The following FSIP2 variants were observed in gnomAD, a reference collection of about 807,000 sequenced individuals.
The protein encoded by FSIP2 is fibrous sheath-interacting protein 2.
Under a neutral mutation model 510.5 loss-of-function variants are expected in FSIP2, and 367 were observed. The observed-to-expected ratio is 0.72, with a 90% confidence interval of 0.66 to 0.78. The LOEUF (loss-of-function observed/expected upper bound fraction) is 0.78. Among genes scored for constraint, FSIP2 ranks in the 30% least tolerant of loss-of-function variants. The probability of loss-of-function intolerance (pLI) is 0.00; values close to 1 mark genes in which losing one functional copy is unlikely to be tolerated. For missense variants in FSIP2, 7,594 were observed against 7,901.7 expected (o/e 0.96, Z 1.48); for synonymous variants, 2,601 against 2,732.2 (o/e 0.95, Z 1.50).
intron 21 of FSIP2, among the ~76,000 whole-genome samples, chr2:185,830,728 T>G (rs1217723808): frequency 2.0e-5 from 3 of 151,830 alleles, no homozygotes; most frequent in African/African-American, 7.2e-5. Context: ...TCTGGTTGGT[T>G]AAACTTATGG....
At chr2:185,788,343 C>CAA in intron 15 of FSIP2, 1 of 175,086 alleles carries the variant, frequency 5.7e-6, no homozygotes, top group Non-Finnish European at 1.2e-5. Context: ...ATATTTTTAA[C>CAA]AAAAAAAAAA....
chr2:185,791,659 G>A lies in FSIP2; in HGVS notation c.4523G>A (p.Gly1508Glu). The A allele has an allele frequency of 3.3e-6, 5 of 1,534,100 alleles. No individual in the cohort carries two copies. The highest frequency in any genetic ancestry group is 4.4e-6 in the Non-Finnish European group (5 of 1,145,544). Residue 1508 changes from glycine (G) to glutamate (E), a missense_variant, in exon 16 of 23, where the codon GGA (glycine) becomes GAA (glutamate). Coordinates refer to ENST00000424728, the MANE Select transcript of FSIP2 (RefSeq NM_173651.4). ...ATGGATACCAGTTTTGCAAGTTGTG[G>A]ATTAAAAGCTATCTCAGAGTCTCTT... ...VDMDTSFASCGLKAISESLDI... is the reference protein window; with the variant it reads ...VDMDTSFASCELKAISESLDI...
rs1446678195 is a variant in FSIP2 at position 185,804,844 on chromosome 2, G to T, written c.15538G>T (p.Glu5180Ter). Residue 5180 changes from glutamate (E) to a stop codon, truncating the protein, a stop_gained, in exon 17 of 23, where the codon GAA becomes TAA. Coordinates refer to ENST00000424728, the MANE Select transcript of FSIP2 (RefSeq NM_173651.4). LOFTEE classifies it high-confidence loss of function. Reference sequence around the variant, plus strand: ...ACTTTCCATGGCAGAGGATAATGCAGAAAGTATGCAGTTAGAACCTATTGA... The same window carrying T: ...ACTTTCCATGGCAGAGGATAATGCATAAAGTATGCAGTTAGAACCTATTGA... ...IRLSMAEDNA[E>*]SMQLEPIENL... 6.5e-7 allele frequency: 1 copy of T among 1,530,784 alleles called. No homozygotes were observed. The highest frequency in any genetic ancestry group is 1.2e-5 in the South Asian group (1 of 83,378). 94.8% of individuals were successfully genotyped at this position (1,530,784 alleles called of 1,614,324 possible).
chr2:185,794,045 C>T lies in FSIP2; in HGVS notation c.6909C>T (p.Ser2303=). 1 of 1,533,498 alleles carries T rather than the reference C, an allele frequency of 6.5e-7. No homozygotes were observed. The highest frequency in any genetic ancestry group is 8.7e-7 in the Non-Finnish European group (1 of 1,145,118). The allele number at this position is 1,533,498 out of a possible 1,614,324, so 95.0% of individuals were successfully genotyped here. Residue 2303 remains serine, a synonymous_variant, in exon 16 of 23, where the codon AGC becomes AGT. Coordinates refer to ENST00000424728, the MANE Select transcript of FSIP2 (RefSeq NM_173651.4). The stretch of plus-strand genomic sequence containing the variant: ...ATGACAGCATCTTTTATGATTCAAG[C>T]CAAGTGGAATCAGATGTAAATGTCC... ...KQNDSIFYDS[S]QVESDVNVLK... is the part of the protein sequence containing the mutation.
In FSIP2 at chr2:185,801,155, A is replaced by G; in HGVS notation, c.11849A>G (p.Lys3950Arg). ...TCACCTTTTGAAAGACAGAGAACAA[A>G]GGAAATGGATAAGGTAGCCATTCAT... Reference protein sequence around the residue: ...SVSPFERQRTKEMDKVAIHNK... With the variant: ...SVSPFERQRTREMDKVAIHNK... The change falls in exon 17 of 23, where the codon AAG becomes AGG. Residue 3950 changes from lysine (K) to arginine (R), a missense_variant. Lys to Arg is a conservative substitution (Grantham distance 26, BLOSUM62 2). Transcript: ENST00000424728. 6.5e-7 allele frequency: 1 copy of G among 1,533,954 alleles called. No individual in the cohort carries two copies. Among genetic ancestry groups the G allele is most frequent in the Non-Finnish European group, 8.7e-7 (1 of 1,145,504 alleles).
intron 15 of FSIP2, among the ~76,000 whole-genome samples, chr2:185,787,697 A>G (rs748097936): frequency 6.6e-6 from 1 of 151,760 alleles, no homozygotes; most frequent in Non-Finnish European, 1.5e-5. Context: ...ATTTCTACCC[A>G]TGGTCCAGTT....
intron 13 of FSIP2, among the ~76,000 whole-genome samples, chr2:185,767,369 A>C (rs546767529): frequency 4.5e-4 from 69 of 152,270 alleles, no homozygotes; most frequent in African/African-American, 1.6e-3. Flanking sequence ...TACTCTTAGC[A>C]GTTTTTAATG....
chr2:185,794,295 A>G lies in FSIP2; in HGVS notation c.7159A>G (p.Ile2387Val), dbSNP rs748907612. 2.0e-6 allele frequency: 3 copies of G among 1,525,052 alleles called. No individual in the cohort carries two copies. The highest frequency in any genetic ancestry group is 2.6e-6 in the Non-Finnish European group (3 of 1,141,112). 94.5% of individuals were successfully genotyped at this position (1,525,052 alleles called of 1,614,324 possible). The change falls in exon 16 of 23, where the codon ATC becomes GTC. Residue 2387 changes from isoleucine to valine, a missense_variant. Transcript: ENST00000424728. ...YQNNILFQEN[I>V]IVSEIVDSML... ...AAACAATATTTTGTTCCAAGAAAAC[A>G]TCATTGTGAGTGAAATTGTTGACAG...
chr2:185,791,860 C>G lies in FSIP2; in HGVS notation c.4724C>G (p.Pro1575Arg). 6.5e-7 allele frequency: 1 copy of G among 1,533,734 alleles called. No individual in the cohort carries two copies. Among genetic ancestry groups the G allele is most frequent in the Non-Finnish European group, 8.7e-7 (1 of 1,145,424 alleles). ...SKTPSTKEMHPNKLKAVASDI... is the reference protein window; with the variant it reads ...SKTPSTKEMHRNKLKAVASDI... ...ACACCAAGCACAAAAGAAATGCATC[C>G]AAATAAACTAAAAGCTGTAGCTTCA... The change falls in exon 16 of 23, where the codon CCA (proline) becomes CGA (arginine). Residue 1575 changes from proline (P) to arginine (R), a missense_variant. Pro to Arg is a moderately radical substitution (Grantham distance 103, BLOSUM62 -2). Transcript: ENST00000424728.
In FSIP2 at chr2:185,793,607, T is replaced by C; in HGVS notation, c.6471T>C (p.Asn2157=). Reference sequence around the variant, plus strand: ...AATCAGATGTCATTTTGATATCCAATGATATAGTGAATATTGTTCTTCATA... The same window carrying C: ...AATCAGATGTCATTTTGATATCCAACGATATAGTGAATATTGTTCTTCATA... The part of the protein sequence containing the change: ...VPKSDVILIS[N]DIVNIVLHNL... Residue 2157 remains asparagine (N), a synonymous_variant, in exon 16 of 23, where the codon AAT becomes AAC. Coordinates refer to ENST00000424728, the MANE Select transcript of FSIP2 (RefSeq NM_173651.4). 1.3e-6 allele frequency: 2 copies of C among 1,534,170 alleles called. No individual in the cohort carries two copies. The highest frequency in any genetic ancestry group is 1.7e-6 in the Non-Finnish European group (2 of 1,145,446).
chr2:185,764,553 C>T lies in FSIP2; in HGVS notation c.1399C>T (p.Leu467Phe). 5 of 1,524,704 alleles carry T rather than the reference C, an allele frequency of 3.3e-6. No homozygotes were observed. Among genetic ancestry groups the T allele is most frequent in the Non-Finnish European group, 4.4e-6 (5 of 1,137,674 alleles). The allele number at this position is 1,524,704 out of a possible 1,614,324, so 94.4% of individuals were successfully genotyped here. A position where few individuals can be genotyped will look rare whatever the true frequency, so the allele number is the denominator to read the frequency against. Residue 467 changes from leucine (L) to phenylalanine (F), a missense_variant, in exon 13 of 23, where the codon CTC (leucine) becomes TTC (phenylalanine). Transcript: ENST00000424728. ...DGRPTKRSSY[L>F]CESGPQAHAT... is the part of the protein sequence containing the mutation. ...AAGACCAACCAAGAGATCAAGCTAT[C>T]TCTGCGAATCAGGTAAATATCAGCA...
At position 185,799,995 on chromosome 2, in the gene FSIP2, C is replaced by A. The variant is rs1259943462; in HGVS notation, c.10689C>A (p.Ile3563=). The change falls in exon 17 of 23, where the codon ATC becomes ATA. Residue 3563 remains isoleucine, a synonymous_variant. Coordinates refer to ENST00000424728, the MANE Select transcript of FSIP2 (RefSeq NM_173651.4). ...AACTTGCTTTATGTATTTCTGAAAT[C>A]ATTATTAAAATTCTTTTTAATAATA... is the stretch of plus-strand genomic sequence containing the variant. ...IGELALCISE[I]IIKILFNNKI... is the part of the protein sequence containing the mutation. 1 of 1,517,490 alleles carries A rather than the reference C, an allele frequency of 6.6e-7. No individual in the cohort carries two copies. Among genetic ancestry groups the A allele is most frequent in the Non-Finnish European group, 8.8e-7 (1 of 1,134,486 alleles). The allele number at this position is 1,517,490 out of a possible 1,614,324, so 94.0% of individuals were successfully genotyped here.
Position 185,792,807 on chromosome 2 carries a change from G to A in FSIP2, c.5671G>A (p.Val1891Ile), listed in dbSNP as rs1159479980. The change falls in exon 16 of 23, where the codon GTC becomes ATC. Residue 1891 changes from valine to isoleucine, a missense_variant. Physicochemically the swap from Val to Ile is conservative, Grantham distance 29. Coordinates refer to ENST00000424728, the MANE Select transcript of FSIP2 (RefSeq NM_173651.4). Reference protein sequence around the residue: ...HEHTYKGKSSVTALDENPCTF... With the variant: ...HEHTYKGKSSITALDENPCTF... ...ACACACCTATAAAGGAAAGTCCTCT[G>A]TCACGGCTTTGGATGAAAATCCATG... 2.1e-5 allele frequency: 32 copies of A among 1,534,304 alleles called. 1 individual carries two copies. The highest frequency in any genetic ancestry group is 5.9e-5 in the Admixed American group (3 of 50,854).
chr2:185,807,181 C>G lies in FSIP2; in HGVS notation c.17875C>G (p.Gln5959Glu), dbSNP rs766495122. The change falls in exon 17 of 23, where the codon CAA (glutamine) becomes GAA (glutamate). Residue 5959 changes from glutamine (Q) to glutamate (E), a missense_variant. Gln to Glu is a conservative substitution (Grantham distance 29). Coordinates refer to ENST00000424728, the MANE Select transcript of FSIP2 (RefSeq NM_173651.4). ...LTSAVINEIF[Q>E]RQVNLIFCDE... Reference sequence around the variant, plus strand: ...TAGTGCAGTGATAAATGAAATTTTCCAACGTCAGGTTAACTTGATATTTTG... The same window carrying G: ...TAGTGCAGTGATAAATGAAATTTTCGAACGTCAGGTTAACTTGATATTTTG... 7 of 1,600,606 alleles carry G rather than the reference C, an allele frequency of 4.4e-6. No homozygotes were observed. In the South Asian group the frequency reaches 7.9e-5, roughly 18 times the overall value.
At chr2:185,782,933 G>A (rs951948931) in intron 14 of FSIP2, among the ~76,000 whole-genome samples, 171 bp downstream of exon 14, 2 of 152,156 alleles carry the variant, frequency 1.3e-5, no homozygotes, top group African/African-American at 4.8e-5. Flanking sequence ...TGTAGACAAA[G>A]TGAATCATTG....
At chr2:185,764,672 C>T (rs369530179) in intron 13 of FSIP2, 107 bp downstream of exon 13, 65 of 785,428 alleles carry the variant, frequency 8.3e-5, no homozygotes, top group South Asian at 7.7e-4. Context: ...AAGTTTTAAT[C>T]ATTCAAGGAA....
At chr2:185,773,869 G>T (rs996786975) in intron 13 of FSIP2, among the ~76,000 whole-genome samples, 1 of 151,906 alleles carries the variant, frequency 6.6e-6, no homozygotes, top group Non-Finnish European at 1.5e-5. Flanking sequence ...GTTGAGTTTT[G>T]TCTGCTTTTA....
intron 12 of FSIP2, 94 bp downstream of exon 12, chr2:185,763,383 C>T: frequency 1.5e-6 from 1 of 667,894 alleles, no homozygotes; most frequent in South Asian, 1.6e-5. Flanking sequence ...ATTTATGTAA[C>T]CATACAAAAC....
Position 185,813,572 on chromosome 2 carries a change from A to C in FSIP2, c.19855A>C (p.Ile6619Leu). Residue 6619 changes from isoleucine to leucine, a missense_variant, in exon 18 of 23, where the codon ATA becomes CTA. Ile to Leu is a conservative substitution (Grantham distance 5, BLOSUM62 2). Transcript: ENST00000424728. Reference sequence around the variant, plus strand: ...CGTTGCTAGAAATTCATTTCAGAATATAAGAAAGCCTGATATTACAAAGGT... The same window carrying C: ...CGTTGCTAGAAATTCATTTCAGAATCTAAGAAAGCCTGATATTACAAAGGT... ...EAVARNSFQN[I>L]RKPDITKVEL... The C allele has an allele frequency of 6.5e-7, 1 of 1,543,604 alleles. No homozygotes were observed. Among genetic ancestry groups the C allele is most frequent in the South Asian group, 1.3e-5 (1 of 79,682 alleles).
Sources: allele counts gnomAD v4.1 joint callset (sites outside exome capture counted in the v4.1 genomes callset), GRCh38; gene constraint gnomAD v4.1.1; transcripts MANE v1.5; gene names NCBI Gene and HGNC (gene_info 2026-07-23, HGNC 2026-07-21).